SUMF1: variants seen among roughly 807,000 people sequenced by gnomAD.
The protein encoded by SUMF1 is formylglycine-generating enzyme.
In SUMF1, 48 loss-of-function variants were observed where a neutral mutation model predicts 47.6. That is an observed-to-expected ratio of 1.01 (90% CI 0.80 to 1.28). The LOEUF is 1.28. Among genes scored for constraint, SUMF1 ranks in the 50% most tolerant of loss-of-function variants. The probability of loss-of-function intolerance (pLI) is 0.00; values close to 1 mark genes in which losing one functional copy is unlikely to be tolerated. For missense variants in SUMF1, 571 were observed against 485.4 expected (o/e 1.18, Z -1.66); for synonymous variants, 230 against 192.1 (o/e 1.20, Z -1.63).
intron 1 of SUMF1, among the ~76,000 whole-genome samples, chr3:4,462,182 G>A (rs891245322): frequency 1.3e-5 from 2 of 152,154 alleles, no homozygotes; most frequent in Non-Finnish European, 2.9e-5. Flanking sequence ...GGTACTGGAT[G>A]ACTCTATCCT....
chr3:4,328,324 C>G lies in SUMF1; in HGVS notation c.1014+48006G>C, dbSNP rs929701196. On this transcript the variant is annotated intron_variant and NMD_transcript_variant, in intron 8 of 12. Transcript: ENST00000448413. The stretch of plus-strand genomic sequence containing the variant: ...TGGAGAGGAGACTCAGTTTCCCAAA[C>G]AATACAATCAAAATAAGATAGCGTA... Among the ~76,000 whole-genome samples, 3 of 152,048 alleles carry G rather than the reference C, an allele frequency of 2.0e-5. No individual in the cohort carries two copies. In the South Asian group the frequency reaches 6.2e-4, roughly 32 times the overall value.
intron 8 of SUMF1, among the ~76,000 whole-genome samples, chr3:4,189,227 G>A (rs551666314): frequency 6.6e-6 from 1 of 152,140 alleles, no homozygotes; most frequent in South Asian, 2.1e-4. Flanking sequence ...CTATTTGCGG[G>A]GAGGGGTCCA....
intron 8 of SUMF1, among the ~76,000 whole-genome samples, chr3:4,218,285 CA>C (rs1212927469): frequency 1.3e-5 from 2 of 151,702 alleles, no homozygotes; most frequent in African/African-American, 4.8e-5. Flanking sequence ...AAGCCACATA[CA>C]AAATAATAAT....
At chr3:4,255,216 A>C (rs572215157) in intron 8 of SUMF1, among the ~76,000 whole-genome samples, 27 of 135,866 alleles carry the variant, frequency 2.0e-4, no homozygotes, top group African/African-American at 5.7e-4. Flanking sequence ...CTAACGAGCA[A>C]AATCACCAGC....
At chr3:4,258,705 T>C (rs312091) in intron 8 of SUMF1, among the ~76,000 whole-genome samples, 62,276 of 137,426 alleles carry the variant, frequency 0.45, 15,083 homozygotes, top group African/African-American at 0.56. Flanking sequence ...GTCAGTGTGG[T>C]GATTCCTCAG....
intron 8 of SUMF1, among the ~76,000 whole-genome samples, chr3:4,130,737 G>A (rs1312519780): frequency 1.3e-5 from 2 of 152,126 alleles, no homozygotes; most frequent in African/African-American, 2.4e-5. Flanking sequence ...ACAATGCCTA[G>A]TGACCCTATT....
intron 8 of SUMF1, among the ~76,000 whole-genome samples, chr3:4,094,224 T>C (rs924122095): frequency 2.0e-5 from 3 of 152,056 alleles, no homozygotes; most frequent in African/African-American, 7.2e-5. Flanking sequence ...GGACTTTTGG[T>C]GTTGAGCTCA....
chr3:4,088,267 T>TA (rs1412575713), intron 8 of SUMF1, among the ~76,000 whole-genome samples: 5 of 152,126 alleles, frequency 3.3e-5, no homozygotes, highest in African/African-American at 1.2e-4. Context: ...GTCTGCTTTT[T>TA]ACAATGCCCT....
intron 8 of SUMF1, among the ~76,000 whole-genome samples, chr3:4,345,041 G>C (rs976148650): frequency 6.6e-6 from 1 of 152,248 alleles, no homozygotes; most frequent in South Asian, 2.1e-4. Context: ...CTCTTAAAAA[G>C]ACCAAACCTA....
intron 1 of SUMF1, among the ~76,000 whole-genome samples, chr3:4,466,197 C>T (rs1046629380): frequency 6.6e-6 from 1 of 152,094 alleles, no homozygotes; most frequent in African/African-American, 2.4e-5. Context: ...CTGCAACCTC[C>T]GCCTCCCGGG....
At chr3:4,099,640 G>A (rs1422992234) in intron 8 of SUMF1, among the ~76,000 whole-genome samples, 1 of 152,016 alleles carries the variant, frequency 6.6e-6, no homozygotes, top group Non-Finnish European at 1.5e-5. Flanking sequence ...GAAATACAAT[G>A]TATCCAAATA....
intron 8 of SUMF1, among the ~76,000 whole-genome samples, chr3:4,077,728 C>T (rs908638351): frequency 2.0e-5 from 3 of 151,904 alleles, no homozygotes; most frequent in Non-Finnish European, 4.4e-5. Flanking sequence ...ATGGGTGCCG[C>T]AAACCAACAT....
intron 8 of SUMF1, among the ~76,000 whole-genome samples, chr3:4,136,853 C>G (rs918066949): frequency 2.6e-5 from 4 of 151,822 alleles, no homozygotes; most frequent in African/African-American, 9.7e-5. Context: ...TTTATGCAGC[C>G]AAAAAACACA....
chr3:4,064,270 C>G (rs2125029206), intron 9 of SUMF1, among the ~76,000 whole-genome samples: 1 of 109,508 alleles, frequency 9.1e-6, no homozygotes, highest in East Asian at 3.5e-4. Flanking sequence ...GAAGTGACCA[C>G]TGATCATCCT....
At chr3:4,080,682 T>C (rs1393833686) in intron 8 of SUMF1, among the ~76,000 whole-genome samples, 1 of 152,168 alleles carries the variant, frequency 6.6e-6, no homozygotes, top group Non-Finnish European at 1.5e-5. Context: ...GTTACCTTTA[T>C]AGCAGGAACC....
chr3:4,250,953 T>C (rs1189386352), intron 8 of SUMF1, among the ~76,000 whole-genome samples: 4 of 152,210 alleles, frequency 2.6e-5, no homozygotes, highest in African/African-American at 9.6e-5. Context: ...ACGATATTCA[T>C]TCTGCATTCC....
chr3:4,259,523 A>G (rs1697039779), intron 8 of SUMF1, among the ~76,000 whole-genome samples: 1 of 152,156 alleles, frequency 6.6e-6, no homozygotes, highest in Non-Finnish European at 1.5e-5. Flanking sequence ...TCGATGTGGG[A>G]TATAAGGCTT....
At chr3:4,323,703 G>C (rs1264761305) in intron 8 of SUMF1, among the ~76,000 whole-genome samples, 1 of 152,064 alleles carries the variant, frequency 6.6e-6, no homozygotes, top group African/African-American at 2.4e-5. Flanking sequence ...GAATGCTTTA[G>C]GCCCCAGGAA....
intron 8 of SUMF1, among the ~76,000 whole-genome samples, chr3:4,318,983 A>T (rs760229816): frequency 6.6e-6 from 1 of 152,242 alleles, no homozygotes; most frequent in Non-Finnish European, 1.5e-5. Context: ...CTGAATAGAC[A>T]TCAAAAATAA....
Sources: gnomAD v4.1 joint callset for allele counts (sites outside exome capture counted in the v4.1 genomes callset) on GRCh38, gnomAD v4.1.1 for gene constraint, MANE v1.5 for transcripts, NCBI Gene and HGNC (gene_info 2026-07-23, HGNC 2026-07-21) for gene names.